Variants in PKIB observed in about 807,000 individuals in gnomAD.
PKIB encodes the protein cAMP-dependent protein kinase inhibitor beta.
PKIB carries 2 observed loss-of-function variants against 4.5 expected under a neutral mutation model. The ratio of observed to expected loss-of-function variants is 0.44; its 90% CI spans 0.18 to 1.39. The LOEUF (loss-of-function observed/expected upper bound fraction) is 1.39, where lower values mean the gene tolerates loss of function less well. PKIB is among the 40% of genes most tolerant of loss of function. The pLI, the probability that PKIB is intolerant of heterozygous loss-of-function variation, is 0.27. For missense variants in PKIB, 94 were observed against 92.6 expected (o/e 1.02, Z -0.06); for synonymous variants, 38 against 36.0 (o/e 1.06, Z -0.20).
chr6:122,532,034 C>T (rs915957204), intron 2 of PKIB, among the ~76,000 whole-genome samples: 3 of 152,150 alleles, frequency 2.0e-5, no homozygotes, highest in African/African-American at 4.8e-5. Flanking sequence ...ATTAGCTTGA[C>T]GCCTCCATAA....
chr6:122,508,552 G>A (rs1293536115), intron 2 of PKIB, among the ~76,000 whole-genome samples: 3 of 152,158 alleles, frequency 2.0e-5, no homozygotes, highest in Admixed American at 6.5e-5. Context: ...ATTAGTCTTA[G>A]TCAAGGGTCC....
intron 1 of PKIB, among the ~76,000 whole-genome samples, chr6:122,626,635 T>A (rs1775457000): frequency 6.6e-6 from 1 of 152,246 alleles, no homozygotes; most frequent in Non-Finnish European, 1.5e-5. Context: ...TCTGGACAGA[T>A]GAAGCAGAAT....
chr6:122,661,684 A>G (rs1776997221), intron 2 of PKIB, among the ~76,000 whole-genome samples: 1 of 152,162 alleles, frequency 6.6e-6, no homozygotes, highest in Non-Finnish European at 1.5e-5. Context: ...CTGTGGACAT[A>G]TGCTTTCATT....
intron 2 of PKIB, among the ~76,000 whole-genome samples, chr6:122,575,503 T>C (rs1013254821): frequency 5.9e-5 from 9 of 151,584 alleles, no homozygotes; most frequent in Admixed American, 2.6e-4. Flanking sequence ...ATTGCAGAGA[T>C]ATTAAACCAA....
intron 2 of PKIB, among the ~76,000 whole-genome samples, chr6:122,668,786 T>C (rs1222339469): frequency 6.6e-6 from 1 of 152,238 alleles, no homozygotes; most frequent in Non-Finnish European, 1.5e-5. Flanking sequence ...TCTTCTTATA[T>C]ATAACAGTTG....
chr6:122,601,533 C>T (rs1308701722), intron 3 of PKIB, among the ~76,000 whole-genome samples: 1 of 152,076 alleles, frequency 6.6e-6, no homozygotes, highest in East Asian at 1.9e-4. Flanking sequence ...ATTTGAACTG[C>T]GTGGGTCCAC....
chr6:122,497,956 A>C (rs1435276538), intron 2 of PKIB, among the ~76,000 whole-genome samples: 2 of 152,228 alleles, frequency 1.3e-5, no homozygotes, highest in African/African-American at 2.4e-5. Context: ...GATCGACCCC[A>C]TGCTCAGCCA....
chr6:122,663,295 T>A (rs923698409), intron 2 of PKIB, among the ~76,000 whole-genome samples: 5 of 152,176 alleles, frequency 3.3e-5, no homozygotes, highest in Admixed American at 6.5e-5. Context: ...TGCTCTAATT[T>A]AAAAAAGATG....
chr6:122,682,565 A>C (rs1471507053), intron 3 of PKIB, among the ~76,000 whole-genome samples: 1 of 152,196 alleles, frequency 6.6e-6, no homozygotes, highest in Non-Finnish European at 1.5e-5. Flanking sequence ...ATAAAACCTC[A>C]ATAAATATAG....
At chr6:122,700,243 T>C (rs1005886447) in intron 3 of PKIB, among the ~76,000 whole-genome samples, 1 of 95,848 alleles carries the variant, frequency 1.0e-5, no homozygotes, top group African/African-American at 4.1e-5. Context: ...TTAAAATTTC[T>C]TTTCTTTCTT....
At chr6:122,718,971 A>T (rs797000084) in intron 4 of PKIB, among the ~76,000 whole-genome samples, 5 of 152,136 alleles carry the variant, frequency 3.3e-5, no homozygotes, top group African/African-American at 1.2e-4. Context: ...ACATCAACGT[A>T]AAATATTATA....
chr6:122,722,167 A>G (rs1779771163), intron 4 of PKIB, among the ~76,000 whole-genome samples: 1 of 152,192 alleles, frequency 6.6e-6, no homozygotes, highest in Non-Finnish European at 1.5e-5. Flanking sequence ...ATCACAATAC[A>G]AAATGTTTTC....
chr6:122,698,806 A>G (rs1778681289), intron 3 of PKIB, among the ~76,000 whole-genome samples: 1 of 152,238 alleles, frequency 6.6e-6, no homozygotes, highest in African/African-American at 2.4e-5. Context: ...AACCCAAAAA[A>G]GACTAAAAGA....
chr6:122,599,028 T>C (rs567504187), intron 3 of PKIB, among the ~76,000 whole-genome samples: 15 of 152,304 alleles, frequency 9.8e-5, no homozygotes, highest in African/African-American at 3.6e-4. Context: ...TGGGTCACAT[T>C]CTCAACCTCA....
At chr6:122,499,061 T>C (rs1490614715) in intron 2 of PKIB, among the ~76,000 whole-genome samples, 1 of 152,094 alleles carries the variant, frequency 6.6e-6, no homozygotes, top group East Asian at 1.9e-4. Flanking sequence ...TAAAACTGAA[T>C]CAGTAATTTA....
At chr6:122,718,111 T>C in intron 4 of PKIB, 148 bp downstream of exon 4, 1 of 776,682 alleles carries the variant, frequency 1.3e-6, no homozygotes, top group African/African-American at 1.7e-5. Flanking sequence ...TAAGGCTTAG[T>C]AGATGTTCAG....
intron 2 of PKIB, among the ~76,000 whole-genome samples, chr6:122,509,744 T>C (rs1387865570): frequency 6.6e-6 from 1 of 152,188 alleles, no homozygotes; most frequent in African/African-American, 2.4e-5. Context: ...AATTGTCATT[T>C]GATCAAATAT....
At position 122,545,690 on chromosome 6, in the gene PKIB, T is replaced by C. The variant is rs138561720; in HGVS notation, c.-247-40231T>C. On this transcript the variant is annotated intron_variant, in intron 2 of 6. Coordinates refer to the PKIB transcript ENST00000392491. ...TTGAAAAACTACCTATCAGGTATTA[T>C]GCTGATTACCTGGGTGACAAAATAA... 3.3e-3 allele frequency among the ~76,000 whole-genome samples: 492 copies of C among 151,116 alleles called. 8 individuals carry two copies. The highest frequency in any genetic ancestry group is 0.012 in the African/African-American group (474 of 41,116).
At chr6:122,549,357 T>C (rs915704791) in intron 2 of PKIB, among the ~76,000 whole-genome samples, 4 of 152,214 alleles carry the variant, frequency 2.6e-5, no homozygotes, top group Admixed American at 1.3e-4. Flanking sequence ...ATTTTTCCTC[T>C]TATATTTCTT....
Sources: gnomAD v4.1 joint callset for allele counts (sites outside exome capture counted in the v4.1 genomes callset) on GRCh38, gnomAD v4.1.1 for gene constraint, MANE v1.5 for transcripts, NCBI Gene and HGNC (gene_info 2026-07-23, HGNC 2026-07-21) for gene names.